The following RIMS1 variants were observed in gnomAD, a reference collection of about 807,000 sequenced individuals.
RIMS1 encodes regulating synaptic membrane exocytosis protein 1.
RIMS1 carries 83 observed loss-of-function variants against 214.1 expected under a neutral mutation model. The ratio of observed to expected loss-of-function variants is 0.39; its 90% CI spans 0.32 to 0.47. The LOEUF is 0.47. Ranked by LOEUF, RIMS1 falls within the 20% of genes least tolerant of loss-of-function variation. The pLI is 0.99. For missense variants in RIMS1, 2,050 were observed against 2,161.8 expected (o/e 0.95, Z 1.03); for synonymous variants, 793 against 786.8 (o/e 1.01, Z -0.13).
intron 18 of RIMS1, 128 bp downstream of exon 18, chr6:72,259,239 A>G (rs900225949): frequency 3.4e-6 from 2 of 593,990 alleles, no homozygotes; most frequent in African/African-American, 1.9e-5. Context: ...CTCTCAAGCA[A>G]CAACTGTTAA....
At chr6:72,103,474 C>G (rs1449780056) in intron 4 of RIMS1, among the ~76,000 whole-genome samples, 1 of 151,908 alleles carries the variant, frequency 6.6e-6, no homozygotes, top group Non-Finnish European at 1.5e-5. Context: ...AAATCTGTTT[C>G]AAGAAATTAT....
intron 4 of RIMS1, among the ~76,000 whole-genome samples, chr6:72,154,858 C>T (rs752509508): frequency 2.1e-5 from 3 of 140,526 alleles, no homozygotes; most frequent in South Asian, 4.7e-4. Context: ...GTGCAAGATG[C>T]TGCCCTAGAG....
intron 6 of RIMS1, among the ~76,000 whole-genome samples, chr6:72,206,819 A>G (rs1220538555): frequency 6.6e-6 from 1 of 152,208 alleles, no homozygotes; most frequent in East Asian, 1.9e-4. Context: ...AGGACAGGAC[A>G]TTGCAGCGAC....
In RIMS1 at chr6:72,157,001, T is replaced by C. The variant is rs552745034; in HGVS notation, c.472-22574T>C. Among the ~76,000 whole-genome samples, 63 of 140,832 alleles carry C rather than the reference T, an allele frequency of 4.5e-4. 3 individuals carry two copies. The highest frequency in any genetic ancestry group is 1.4e-3 in the African/African-American group (59 of 40,836). The allele number at this position is 140,832 out of a possible 152,430, so 92.4% of individuals were successfully genotyped here. Reference sequence around the variant, plus strand: ...ATCATCTGCCTAAATAATATAGAAATATCTGTGCAATTGGTCTAGTAGCAC... The same window carrying C: ...ATCATCTGCCTAAATAATATAGAAACATCTGTGCAATTGGTCTAGTAGCAC... On this transcript the variant is annotated intron_variant, in intron 4 of 33. Transcript: ENST00000521978.
intron 6 of RIMS1, among the ~76,000 whole-genome samples, chr6:72,227,528 TG>T (rs1243812041): frequency 3.9e-5 from 6 of 151,956 alleles, no homozygotes; most frequent in Non-Finnish European, 8.8e-5. Flanking sequence ...GTCATGGTGG[TG>T]TTTGCATCCC....
intron 2 of RIMS1, among the ~76,000 whole-genome samples, chr6:72,026,465 C>G (rs1206377362): frequency 8.7e-6 from 1 of 115,504 alleles, no homozygotes; most frequent in African/African-American, 2.9e-5. Context: ...GCCCCCCCCC[C>G]CAACTTTTTT....
At chr6:72,298,336 C>G (rs1233412727) in intron 26 of RIMS1, among the ~76,000 whole-genome samples, 1 of 151,930 alleles carries the variant, frequency 6.6e-6, no homozygotes, top group East Asian at 1.9e-4. Flanking sequence ...TGAGACCTAA[C>G]TATTAGTATC....
At chr6:72,006,031 T>C (rs1202866071) in intron 2 of RIMS1, among the ~76,000 whole-genome samples, 1 of 152,160 alleles carries the variant, frequency 6.6e-6, no homozygotes. Flanking sequence ...GACAGCATGG[T>C]TGGGTTCTGG....
intron 28 of RIMS1, among the ~76,000 whole-genome samples, chr6:72,320,502 G>T (rs2096086886): frequency 6.6e-6 from 1 of 151,844 alleles, no homozygotes; most frequent in African/African-American, 2.4e-5. Flanking sequence ...TATGAGATGT[G>T]GTTCTACTTC....
intron 29 of RIMS1, among the ~76,000 whole-genome samples, chr6:72,371,270 G>A (rs573471330): frequency 6.6e-6 from 1 of 152,194 alleles, no homozygotes; most frequent in East Asian, 1.9e-4. Context: ...CCAGCCATAT[G>A]CTATCATAGG....
chr6:71,895,403 G>A (rs967647755), intron 1 of RIMS1, among the ~76,000 whole-genome samples: 3 of 152,038 alleles, frequency 2.0e-5, no homozygotes, highest in Admixed American at 6.6e-5. Context: ...GGCCGGGTGC[G>A]GTGGCTCACG....
intron 6 of RIMS1, chr6:72,212,935 T>G: frequency 7.2e-7 from 1 of 1,380,646 alleles, no homozygotes; most frequent in Middle Eastern, 2.6e-4. Context: ...GCAAGGAGAC[T>G]TTCTTGTTCT....
At chr6:72,018,842 G>A (rs1259963133) in intron 2 of RIMS1, among the ~76,000 whole-genome samples, 1 of 152,164 alleles carries the variant, frequency 6.6e-6, no homozygotes, top group African/African-American at 2.4e-5. Flanking sequence ...CCCCAAGAAT[G>A]TAAAATTTAT....
intron 1 of RIMS1, among the ~76,000 whole-genome samples, chr6:71,932,551 A>G (rs1582919228): frequency 6.6e-6 from 1 of 152,114 alleles, no homozygotes; most frequent in African/African-American, 2.4e-5. Context: ...GGGTGATGAA[A>G]TAATCTGTAA....
intron 1 of RIMS1, among the ~76,000 whole-genome samples, chr6:71,966,767 C>T (rs1488791943): frequency 6.6e-6 from 1 of 152,206 alleles, no homozygotes; most frequent in African/African-American, 2.4e-5. Flanking sequence ...AACTGATCCA[C>T]TGGCCTCAGC....
chr6:71,936,305 C>T (rs1381873719), intron 1 of RIMS1, among the ~76,000 whole-genome samples: 3 of 109,424 alleles, frequency 2.7e-5, no homozygotes, highest in East Asian at 6.2e-4. Context: ...CCAGCCTGGG[C>T]GACAGAGCGA....
chr6:71,992,404 C>CTCTT (rs70994109), intron 2 of RIMS1, among the ~76,000 whole-genome samples: 9,117 of 109,834 alleles, frequency 0.083, 340 homozygotes, highest in East Asian at 0.14. Flanking sequence ...TTCTCTCTCT[C>CTCTT]TCTTTCTTTC....
intron 24 of RIMS1, among the ~76,000 whole-genome samples, chr6:72,289,049 T>C (rs117307759): frequency 0.011 from 1,605 of 152,350 alleles, 15 homozygotes; most frequent in Non-Finnish European, 0.017. Context: ...TTTATACTTT[T>C]GCCATTTAGT....
intron 1 of RIMS1, among the ~76,000 whole-genome samples, chr6:71,954,803 A>G (rs1790677257): frequency 6.6e-6 from 1 of 151,422 alleles, no homozygotes; most frequent in Non-Finnish European, 1.5e-5. Context: ...CTGTGTTACC[A>G]CAACTCAAAC....
Sources: allele counts gnomAD v4.1 joint callset (sites outside exome capture counted in the v4.1 genomes callset), GRCh38; gene constraint gnomAD v4.1.1; transcripts MANE v1.5; gene names NCBI Gene and HGNC (gene_info 2026-07-23, HGNC 2026-07-21).